Variants in AP3B2 observed in about 807,000 individuals in gnomAD.
AP3B2 encodes the protein adaptor related protein complex 3 subunit beta 2.
Under a neutral mutation model 126.9 loss-of-function variants are expected in AP3B2, and 50 were observed. The ratio of observed to expected loss-of-function variants is 0.39; its 90% CI spans 0.31 to 0.50. The LOEUF (loss-of-function observed/expected upper bound fraction) is 0.50. AP3B2 is among the 20% of genes least tolerant of loss of function. AP3B2 has a pLI of 0.79. For missense variants in AP3B2, 1,177 were observed against 1,426.4 expected (o/e 0.83, Z 2.82); for synonymous variants, 541 against 565.0 (o/e 0.96, Z 0.60).
At chr15:82,702,675 ACT>A (rs2048737559) in intron 1 of AP3B2, among the ~76,000 whole-genome samples, 1 of 149,870 alleles carries the variant, frequency 6.7e-6, no homozygotes, top group South Asian at 2.1e-4. Flanking sequence ...CCTTTCGTTG[ACT>A]CTTTTTTCAG....
At chr15:82,690,160 A>T (rs2048501923) in intron 1 of AP3B2, among the ~76,000 whole-genome samples, 1 of 152,026 alleles carries the variant, frequency 6.6e-6, no homozygotes, top group African/African-American at 2.4e-5. Context: ...CGACACCTTG[A>T]GTTCAGACTT....
intron 1 of AP3B2, among the ~76,000 whole-genome samples, chr15:82,697,268 A>C (rs2048643719): frequency 6.6e-6 from 1 of 152,118 alleles, no homozygotes; most frequent in Non-Finnish European, 1.5e-5. Context: ...CAGGAGGTGG[A>C]GCTTGCAGTG....
intron 14 of AP3B2, among the ~76,000 whole-genome samples, chr15:82,674,334 G>A (rs2048208177): frequency 6.6e-6 from 1 of 152,162 alleles, no homozygotes; most frequent in Non-Finnish European, 1.5e-5. Context: ...GAAGAGGCTG[G>A]GAAGAAAGGA....
chr15:82,693,462 G>T (rs1355410459), intron 1 of AP3B2, among the ~76,000 whole-genome samples: 1 of 151,518 alleles, frequency 6.6e-6, no homozygotes, highest in Non-Finnish European at 1.5e-5. Context: ...GGTCAGGCTG[G>T]TCTCAAACTC....
At position 82,680,397 on chromosome 15, in the gene AP3B2, G is replaced by C. The variant is rs147827968; in HGVS notation, c.1055+75C>G. ...AGAGGTGGAAGCGGCTGGTGGGCGTGAGGGGGCGGAGCCGGGCAGCCCGTG... is the reference window on the plus strand; with the variant it reads ...AGAGGTGGAAGCGGCTGGTGGGCGTCAGGGGGCGGAGCCGGGCAGCCCGTG... On this transcript the variant is annotated intron_variant, in intron 8 of 26. Coordinates refer to ENST00000535359, the MANE Select transcript of AP3B2 (RefSeq NM_001278512.2). This position sits in a 1 kb window ranked among gnomAD's most constrained non-coding sequence, Gnocchi z 6.1. 35,598 of 1,448,512 alleles carry C rather than the reference G, an allele frequency of 0.025. 491 individuals carry two copies. Among genetic ancestry groups the C allele is most frequent in the Non-Finnish European group, 0.028 (31,232 of 1,096,260 alleles). 89.7% of individuals were successfully genotyped at this position (1,448,512 alleles called of 1,614,324 possible). A position where few individuals can be genotyped will look rare whatever the true frequency, so the allele number is the denominator to read the frequency against.
In AP3B2 at chr15:82,678,211, G is replaced by A. The variant is rs374991110; in HGVS notation, c.1183-44C>T. 20 of 1,580,576 alleles carry A rather than the reference G, an allele frequency of 1.3e-5. No individual in the cohort carries two copies. The African/African-American group carries it at 2.6e-4, about 20-fold the overall frequency. ...AGGCAGAAAATGGGTGGGTTGGCCA[G>A]TGGACTTTCTGTGCTTTCATTCCAA... On this transcript the variant is annotated intron_variant, in intron 10 of 26. Coordinates refer to ENST00000535359, the MANE Select transcript of AP3B2 (RefSeq NM_001278512.2).
intron 14 of AP3B2, among the ~76,000 whole-genome samples, chr15:82,667,886 G>A (rs1329939347): frequency 2.0e-5 from 3 of 152,124 alleles, no homozygotes; most frequent in African/African-American, 4.8e-5. Flanking sequence ...CTGACATAAG[G>A]AGCCTGCCCT....
chr15:82,661,578 G>A (rs1371400208), intron 25 of AP3B2, among the ~76,000 whole-genome samples: 1 of 152,156 alleles, frequency 6.6e-6, no homozygotes, highest in Non-Finnish European at 1.5e-5. Flanking sequence ...TTGGAACACA[G>A]CCATACTCGT....
At chr15:82,667,393 G>A (rs972568985) in intron 14 of AP3B2, among the ~76,000 whole-genome samples, 1 of 152,198 alleles carries the variant, frequency 6.6e-6, no homozygotes, top group Admixed American at 6.5e-5. Flanking sequence ...GGTCCCTTTG[G>A]CAGGGGCCAC....
Position 82,665,679 on chromosome 15 carries a change from G to T in AP3B2, c.1853-104C>A. 2.4e-6 allele frequency: 2 copies of T among 832,770 alleles called. No homozygotes were observed. Among genetic ancestry groups the T allele is most frequent in the Non-Finnish European group, 2.0e-6 (1 of 503,472 alleles). 51.6% of individuals were successfully genotyped at this position (832,770 alleles called of 1,614,324 possible). On this transcript the variant is annotated intron_variant, in intron 15 of 26. Coordinates refer to ENST00000535359, the MANE Select transcript of AP3B2 (RefSeq NM_001278512.2). This position sits in a 1 kb window ranked among gnomAD's most constrained non-coding sequence, Gnocchi z 4.4. ...TGGTGATTCTGGTTGGGACTTCCCAGGTGGGTAGGGGAAGGAGATGGATGT... is the reference window on the plus strand; with the variant it reads ...TGGTGATTCTGGTTGGGACTTCCCATGTGGGTAGGGGAAGGAGATGGATGT...
chr15:82,691,628 C>A, intron 1 of AP3B2: 3 of 974,714 alleles, frequency 3.1e-6, no homozygotes, highest in Middle Eastern at 3.9e-4. Context: ...AAAATAATTT[C>A]CTAAGACGCT....
At chr15:82,709,552 C>T (rs1168478786) in intron 1 of AP3B2, 42 bp downstream of exon 1, 2 of 1,399,256 alleles carry the variant, frequency 1.4e-6, no homozygotes, top group Non-Finnish European at 1.9e-6. Context: ...GCCCGGTCCC[C>T]GGCCCCAACC....
chr15:82,689,834 G>A (rs1021094479), intron 1 of AP3B2: 5 of 205,410 alleles, frequency 2.4e-5, no homozygotes, highest in South Asian at 1.9e-4. Context: ...TGGGTGTGGC[G>A]GCTCACGCCT....
chr15:82,701,282 G>A (rs528120942), intron 1 of AP3B2, among the ~76,000 whole-genome samples: 3 of 152,168 alleles, frequency 2.0e-5, no homozygotes, highest in African/African-American at 7.2e-5. Context: ...ATCACTCAGT[G>A]TTCTGTACTT....
At chr15:82,675,742 G>A (rs1466600040) in intron 14 of AP3B2, among the ~76,000 whole-genome samples, 1 of 152,186 alleles carries the variant, frequency 6.6e-6, no homozygotes, top group Non-Finnish European at 1.5e-5. Context: ...AACAGGAATA[G>A]GCCAAATTCA....
At chr15:82,698,515 C>T (rs969031433) in intron 1 of AP3B2, among the ~76,000 whole-genome samples, 2 of 151,828 alleles carry the variant, frequency 1.3e-5, no homozygotes, top group African/African-American at 2.4e-5. Flanking sequence ...TGCCGCATCA[C>T]ATCTAATACA....
At chr15:82,684,377 A>G (rs1286983115) in intron 4 of AP3B2, among the ~76,000 whole-genome samples, 1 of 152,098 alleles carries the variant, frequency 6.6e-6, no homozygotes, top group Non-Finnish European at 1.5e-5. Context: ...AAACTTCATG[A>G]ACCAACCTCC....
Position 82,664,233 on chromosome 15 carries a change from A to G in AP3B2, c.2261+134T>C. On this transcript the variant is annotated intron_variant, in intron 19 of 26. Coordinates refer to ENST00000535359, the MANE Select transcript of AP3B2 (RefSeq NM_001278512.2). This position sits in a 1 kb window ranked among gnomAD's most constrained non-coding sequence, Gnocchi z 4.5. ...CCTGCAGCCAGCGAAAGTAGGCGTC[A>G]TGTGAGCTGACAGCCCCACCCAGCT... 7.0e-7 allele frequency: 1 copy of G among 1,422,398 alleles called. No individual in the cohort carries two copies. The highest frequency in any genetic ancestry group is 9.5e-7 in the Non-Finnish European group (1 of 1,048,834). 88.1% of individuals were successfully genotyped at this position (1,422,398 alleles called of 1,614,324 possible).
chr15:82,679,382 C>G (rs763953881), intron 10 of AP3B2, among the ~76,000 whole-genome samples: 1 of 152,310 alleles, frequency 6.6e-6, no homozygotes, highest in Non-Finnish European at 1.5e-5. Flanking sequence ...TCTCGGCCTC[C>G]CAAAGTGCTG....
Sources: gnomAD v4.1 joint callset for allele counts (sites outside exome capture counted in the v4.1 genomes callset) on GRCh38, gnomAD v4.1.1 for gene constraint, Gnocchi (gnomAD v3.1) non-coding constraint, MANE v1.5 for transcripts, NCBI Gene and HGNC (gene_info 2026-07-23, HGNC 2026-07-21) for gene names.